MAP3K20: variants seen among roughly 807,000 people sequenced by gnomAD.
MAP3K20 encodes the protein HCCS-4.
MAP3K20 carries 40 observed loss-of-function variants against 85.7 expected under a neutral mutation model. The ratio of observed to expected loss-of-function variants is 0.47; its 90% CI spans 0.36 to 0.61. The LOEUF (loss-of-function observed/expected upper bound fraction) is 0.61. Ranked by LOEUF, MAP3K20 falls within the 20% of genes least tolerant of loss-of-function variation. The pLI is 0.00. For missense variants in MAP3K20, 817 were observed against 961.7 expected (o/e 0.85, Z 1.99); for synonymous variants, 325 against 327.7 (o/e 0.99, Z 0.09).
rs1395910391 is a variant in MAP3K20, at chr2:173,134,419, TA to T, written c.160-35385del. ...ATATATATATATATATATATATATA[TA>T]TATATATATTTTTTTTTTTTTTTTT... On this transcript the variant is annotated intron_variant, in intron 2 of 19. Transcript: ENST00000375213. Among the ~76,000 whole-genome samples, 35 of 23,134 alleles carry T rather than the reference TA, an allele frequency of 1.5e-3. 1 individual carries two copies. Among genetic ancestry groups the T allele is most frequent in the African/African-American group, 3.7e-3 (22 of 5,944 alleles). 15.2% of individuals were successfully genotyped at this position (23,134 alleles called of 152,430 possible). A position where few individuals can be genotyped will look rare whatever the true frequency, so the allele number is the denominator to read the frequency against.
intron 11 of MAP3K20, chr2:173,225,089 T>C: frequency 1.0e-6 from 1 of 984,542 alleles, no homozygotes; most frequent in Non-Finnish European, 1.2e-6. Context: ...CTTTCATCTT[T>C]TTTTCTTAAT....
chr2:173,140,191 T>C (rs945148038), intron 2 of MAP3K20, among the ~76,000 whole-genome samples: 1 of 152,104 alleles, frequency 6.6e-6, no homozygotes, highest in African/African-American at 2.4e-5. Flanking sequence ...TTTGTATTTT[T>C]AGTAGAGATG....
At chr2:173,236,118 T>C (rs1684641108) in intron 14 of MAP3K20, among the ~76,000 whole-genome samples, 1 of 151,674 alleles carries the variant, frequency 6.6e-6, no homozygotes, top group South Asian at 2.1e-4. Flanking sequence ...ATGCAAAAAT[T>C]AGCCAGGCAT....
At chr2:173,078,705 A>G (rs905473348) in intron 1 of MAP3K20, among the ~76,000 whole-genome samples, 4 of 152,216 alleles carry the variant, frequency 2.6e-5, no homozygotes, top group African/African-American at 7.2e-5. Flanking sequence ...TTCAATTGTA[A>G]TAGGAAATTA....
intron 2 of MAP3K20, among the ~76,000 whole-genome samples, chr2:173,141,209 C>CGAAAT (rs1553569262): frequency 1.2e-4 from 1 of 8,446 alleles, no homozygotes; most frequent in Admixed American, 2.8e-3. Context: ...ACTTTTTATA[C>CGAAAT]TAAATTCTCG....
At chr2:173,258,084 A>C (rs1685200325) in intron 16 of MAP3K20, among the ~76,000 whole-genome samples, 1 of 152,218 alleles carries the variant, frequency 6.6e-6, no homozygotes. Context: ...AGAAGCCACG[A>C]AGTAGCTGTG....
At chr2:173,195,278 A>G (rs1274750704) in intron 7 of MAP3K20, among the ~76,000 whole-genome samples, 1 of 152,062 alleles carries the variant, frequency 6.6e-6, no homozygotes, top group African/African-American at 2.4e-5. Flanking sequence ...AGCCTTGAAA[A>G]CATAGTGGCT....
intron 16 of MAP3K20, among the ~76,000 whole-genome samples, chr2:173,247,296 TTCTCAGAGCACTA>T (rs1484044389): frequency 6.6e-6 from 1 of 152,172 alleles, no homozygotes; most frequent in Non-Finnish European, 1.5e-5. Context: ...TCCAGGCCCT[TTCTCAGAGCACTA>T]TAAATATCAA....
chr2:173,088,695 G>A lies in MAP3K20; in HGVS notation c.-34-2303G>A, dbSNP rs560040811. 3.3e-5 allele frequency among the ~76,000 whole-genome samples: 5 copies of A among 152,242 alleles called. No homozygotes were observed. The South Asian group carries it at 1.0e-3, about 32-fold the overall frequency. ...AAACCTAGTGTCTGTAATGCTGAGG[G>A]AACCTTGCAAATGGTGTTTGACATT... On this transcript the variant is annotated intron_variant, in intron 1 of 19. Transcript: ENST00000375213.
chr2:173,150,899 G>A (rs911915728), intron 2 of MAP3K20, among the ~76,000 whole-genome samples: 1 of 152,198 alleles, frequency 6.6e-6, no homozygotes, highest in African/African-American at 2.4e-5. Context: ...ATTTCTAGCA[G>A]CTAACATTTA....
Position 173,264,327 on chromosome 2 carries a change from A to G in MAP3K20, c.1702+432A>G, listed in dbSNP as rs543760789. On this transcript the variant is annotated intron_variant, in intron 19 of 19. Coordinates refer to ENST00000375213, the MANE Select transcript of MAP3K20 (RefSeq NM_016653.3). ...CAGGTGCAGTAAGATAAGCTGGCTC[A>G]ACCATATTCAGAGAGTGGAATGAAC... Among the ~76,000 whole-genome samples, 5 of 152,326 alleles carry G rather than the reference A, an allele frequency of 3.3e-5. No homozygotes were observed. The East Asian group carries it at 7.7e-4, about 23-fold the overall frequency.
intron 2 of MAP3K20, among the ~76,000 whole-genome samples, chr2:173,133,457 C>T (rs182537639): frequency 6.6e-6 from 1 of 152,266 alleles, no homozygotes; most frequent in East Asian, 1.9e-4. Flanking sequence ...ATCTGTCATA[C>T]ATTAGAATTT....
At chr2:173,205,639 C>T (rs954109491) in intron 9 of MAP3K20, among the ~76,000 whole-genome samples, 4 of 152,198 alleles carry the variant, frequency 2.6e-5, no homozygotes, top group African/African-American at 9.6e-5. Context: ...CAGCAACAAA[C>T]TGTGCTGCGT....
chr2:173,234,977 C>T (rs1315950795), intron 14 of MAP3K20, among the ~76,000 whole-genome samples: 1 of 152,110 alleles, frequency 6.6e-6, no homozygotes, highest in Non-Finnish European at 1.5e-5. Flanking sequence ...GTAGCAAAAA[C>T]GCGAATGGAG....
chr2:173,193,211 G>A lies in MAP3K20; in HGVS notation c.582+2034G>A, dbSNP rs1356638720. On this transcript the variant is annotated intron_variant, in intron 7 of 19. Transcript: ENST00000375213. ...ATGTTTGTTGGTGTTAGGTATATAT[G>A]TATGTTGGTTATAGTTATTGTAGAC... Among the ~76,000 whole-genome samples the A allele has an allele frequency of 2.0e-5, 3 of 152,114 alleles. No individual in the cohort carries two copies. The East Asian group carries it at 5.8e-4, about 29-fold the overall frequency.
intron 3 of MAP3K20, among the ~76,000 whole-genome samples, chr2:173,179,117 G>C (rs1690250272): frequency 6.6e-6 from 1 of 152,080 alleles, no homozygotes; most frequent in African/African-American, 2.4e-5. Context: ...ATATCGGCCA[G>C]GCACAGTGGC....
intron 11 of MAP3K20, among the ~76,000 whole-genome samples, chr2:173,228,146 T>C (rs1684436566): frequency 6.6e-6 from 1 of 152,240 alleles, no homozygotes; most frequent in Admixed American, 6.5e-5. Context: ...AGGATCGATT[T>C]CAGTGTGTAC....
intron 10 of MAP3K20, among the ~76,000 whole-genome samples, chr2:173,216,442 C>T (rs935452348): frequency 6.6e-6 from 1 of 151,908 alleles, no homozygotes; most frequent in Non-Finnish European, 1.5e-5. Flanking sequence ...AGGGTCCCAC[C>T]CAGGCCTACT....
intron 2 of MAP3K20, among the ~76,000 whole-genome samples, chr2:173,103,859 C>T (rs1412155274): frequency 6.6e-6 from 1 of 152,058 alleles, no homozygotes; most frequent in African/African-American, 2.4e-5. Context: ...GCATACTTGA[C>T]ACTAGGAAAC....
Sources: gnomAD v4.1 joint callset for allele counts (sites outside exome capture counted in the v4.1 genomes callset) on GRCh38, gnomAD v4.1.1 for gene constraint, MANE v1.5 for transcripts, NCBI Gene and HGNC (gene_info 2026-07-23, HGNC 2026-07-21) for gene names.